ADAMTSL3: variants seen among roughly 807,000 people sequenced by gnomAD.
ADAMTSL3 encodes the protein ADAMTS like 3.
In ADAMTSL3, 128 loss-of-function variants were observed where a neutral mutation model predicts 201.7. The observed-to-expected ratio is 0.63, with a 90% CI of 0.55 to 0.73. The LOEUF (loss-of-function observed/expected upper bound fraction) is 0.73, where lower values mean the gene tolerates loss of function less well. Ranked by LOEUF, ADAMTSL3 falls within the 30% of genes least tolerant of loss-of-function variation. The pLI is 0.00. For synonymous variants in ADAMTSL3, 738 were observed against 748.4 expected (o/e 0.99, Z 0.23); for missense variants, 1,990 against 2,119.6 (o/e 0.94, Z 1.20).
chr15:83,844,018 A>T (rs2064440805), intron 7 of ADAMTSL3, among the ~76,000 whole-genome samples: 1 of 152,242 alleles, frequency 6.6e-6, no homozygotes, highest in Non-Finnish European at 1.5e-5. Flanking sequence ...ATCTGTTTAG[A>T]GAGTCTTGAC....
intron 17 of ADAMTSL3, among the ~76,000 whole-genome samples, chr15:83,941,723 T>A (rs2066564080): frequency 6.6e-6 from 1 of 152,246 alleles, no homozygotes; most frequent in Non-Finnish European, 1.5e-5. Context: ...TAATTCAATT[T>A]AATTTTTGTG....
intron 19 of ADAMTSL3, chr15:83,945,797 C>T (rs966041487): frequency 6.6e-6 from 1 of 152,212 alleles, no homozygotes; most frequent in African/African-American, 2.4e-5. Flanking sequence ...TGAGGAATCT[C>T]AAGTCCCACC....
Position 83,991,322 on chromosome 15 carries a change from C to G in ADAMTSL3, c.3973+108C>G, listed in dbSNP as rs778294475. On this transcript the variant is annotated intron_variant, in intron 23 of 29. Coordinates refer to ENST00000286744, the MANE Select transcript of ADAMTSL3 (RefSeq NM_207517.3). ...GCATTTTGGTATTCGAGACCTCAGC[C>G]TGATAGGCTTAAAAAAAAGATTTTC... The G allele has an allele frequency of 4.6e-5, 69 of 1,505,032 alleles. No homozygotes were observed. In the African/African-American group the frequency reaches 7.8e-4, roughly 17 times the overall value. The allele number at this position is 1,505,032 out of a possible 1,614,324, so 93.2% of individuals were successfully genotyped here. A position where few individuals can be genotyped will look rare whatever the true frequency, so the allele number is the denominator to read the frequency against.
At chr15:83,974,600 A>G (rs2067250409) in intron 20 of ADAMTSL3, among the ~76,000 whole-genome samples, 1 of 152,158 alleles carries the variant, frequency 6.6e-6, no homozygotes, top group Admixed American at 6.5e-5. Flanking sequence ...CTTTTTCTAT[A>G]TAATCCCCCA....
intron 4 of ADAMTSL3, among the ~76,000 whole-genome samples, chr15:83,797,938 C>G (rs1186223888): frequency 1.3e-5 from 2 of 152,070 alleles, no homozygotes; most frequent in Non-Finnish European, 2.9e-5. Context: ...AGATTTGGAA[C>G]AATTTTCATC....
intron 3 of ADAMTSL3, among the ~76,000 whole-genome samples, chr15:83,718,474 C>T (rs567308309): frequency 4.6e-5 from 7 of 152,096 alleles, no homozygotes; most frequent in East Asian, 3.9e-4. Context: ...GATGCTGAGG[C>T]GGGCAGATCA....
At chr15:83,841,884 G>C (rs1484278076) in intron 7 of ADAMTSL3, among the ~76,000 whole-genome samples, 2 of 151,938 alleles carry the variant, frequency 1.3e-5, no homozygotes, top group East Asian at 4.0e-4. Flanking sequence ...GATGTTGAGA[G>C]GAACACACTG....
chr15:83,955,182 T>A (rs905202307), intron 19 of ADAMTSL3, among the ~76,000 whole-genome samples: 1 of 152,174 alleles, frequency 6.6e-6, no homozygotes, highest in African/African-American at 2.4e-5. Context: ...ACCTTAGAAA[T>A]CTACCTGGTA....
intron 8 of ADAMTSL3, among the ~76,000 whole-genome samples, chr15:83,861,278 T>A (rs2064851837): frequency 6.6e-6 from 1 of 152,132 alleles, no homozygotes; most frequent in African/African-American, 2.4e-5. Context: ...TCTGACAGCT[T>A]TGAAGAGAGT....
chr15:83,822,295 G>A (rs1266534131), intron 6 of ADAMTSL3, among the ~76,000 whole-genome samples: 6 of 139,306 alleles, frequency 4.3e-5, no homozygotes, highest in African/African-American at 1.1e-4. Context: ...GCTGCCGGGC[G>A]GAGGGGCTCC....
chr15:83,850,627 A>G (rs1260151209), intron 7 of ADAMTSL3, among the ~76,000 whole-genome samples: 1 of 152,064 alleles, frequency 6.6e-6, no homozygotes, highest in Non-Finnish European at 1.5e-5. Flanking sequence ...TGCTGTCTCT[A>G]ATTTTTCATC....
chr15:83,823,972 T>TCTTCATCTTCTTCTCCTC (rs1567170062), intron 6 of ADAMTSL3, among the ~76,000 whole-genome samples: 3 of 71,106 alleles, frequency 4.2e-5, no homozygotes, highest in African/African-American at 1.3e-4. Flanking sequence ...TTCTTCTTCT[T>TCTTCATCTTCTTCTCCTC]CTCCTCCTCC....
intron 2 of ADAMTSL3, among the ~76,000 whole-genome samples, chr15:83,688,751 TATATACACACACACAC>T (rs2061571078): frequency 8.7e-6 from 1 of 114,610 alleles, no homozygotes; most frequent in African/African-American, 3.2e-5. Context: ...CACATGCATA[TATATACACACACACAC>T]ACACACACAC....
At chr15:83,852,928 C>G (rs1052322853) in intron 7 of ADAMTSL3, among the ~76,000 whole-genome samples, 1 of 152,246 alleles carries the variant, frequency 6.6e-6, no homozygotes, top group African/African-American at 2.4e-5. Flanking sequence ...GTGATCTTGG[C>G]TCACTGCAAC....
chr15:83,826,598 A>T (rs1228735062), intron 6 of ADAMTSL3, among the ~76,000 whole-genome samples: 7 of 151,716 alleles, frequency 4.6e-5, no homozygotes, highest in Admixed American at 6.6e-5. Flanking sequence ...GCCATGTTGG[A>T]ATGCTGCACC....
intron 16 of ADAMTSL3, 125 bp downstream of exon 16, chr15:83,913,503 A>G (rs1349862604): frequency 2.1e-6 from 2 of 974,878 alleles, no homozygotes; most frequent in Non-Finnish European, 2.9e-6. Context: ...TCATTCAAAT[A>G]ACTGAAAATG....
At chr15:84,014,210 G>A (rs190435344) in intron 23 of ADAMTSL3, among the ~76,000 whole-genome samples, 87 of 152,046 alleles carry the variant, frequency 5.7e-4, no homozygotes, top group African/African-American at 2.0e-3. Context: ...CAGCTTCACC[G>A]ACTCCTTCTT....
At chr15:83,800,967 A>G (rs1214117565) in intron 4 of ADAMTSL3, among the ~76,000 whole-genome samples, 1 of 152,226 alleles carries the variant, frequency 6.6e-6, no homozygotes, top group Non-Finnish European at 1.5e-5. Flanking sequence ...CAATAGGCAT[A>G]GCTGTTGTTT....
At chr15:83,726,090 T>G (rs1452308163) in intron 3 of ADAMTSL3, among the ~76,000 whole-genome samples, 9 of 152,110 alleles carry the variant, frequency 5.9e-5, no homozygotes, top group Non-Finnish European at 1.3e-4. Flanking sequence ...GTTTCGTCGT[T>G]TTCATTGTAG....
Sources: allele counts gnomAD v4.1 joint callset (sites outside exome capture counted in the v4.1 genomes callset), GRCh38; gene constraint gnomAD v4.1.1; transcripts MANE v1.5; gene names NCBI Gene and HGNC (gene_info 2026-07-23, HGNC 2026-07-21).